KREMEN1: variants seen among roughly 807,000 people sequenced by gnomAD.
KREMEN1 encodes the protein kringle containing transmembrane protein 1, also known as kremen protein 1.
A neutral mutation model predicts 46.5 loss-of-function variants in KREMEN1; 30 were observed. That is an observed-to-expected ratio of 0.65 (90% confidence interval 0.48 to 0.88). The LOEUF (loss-of-function observed/expected upper bound fraction) is 0.88, where lower values mean the gene tolerates loss of function less well. KREMEN1 is among the 40% of genes least tolerant of loss of function. The pLI is 0.00. For missense variants in KREMEN1, 533 were observed against 596.9 expected (o/e 0.89, Z 1.11); for synonymous variants, 214 against 230.6 (o/e 0.93, Z 0.65).
chr22:29,157,098 T>C (rs1035426706), intron 9 of KREMEN1, among the ~76,000 whole-genome samples: 1 of 151,440 alleles, frequency 6.6e-6, no homozygotes, highest in Admixed American at 6.6e-5. Context: ...ATTGGAAAAC[T>C]CTTTCCAGAG....
chr22:29,143,412 G>A lies in KREMEN1; in HGVS notation c.*1300G>A. Reference sequence around the variant, plus strand: ...CACTATATGAGACATGGGGCCTGTGGTCCTTCCTTCTGGTGTCCCCCGTGT... The same window carrying A: ...CACTATATGAGACATGGGGCCTGTGATCCTTCCTTCTGGTGTCCCCCGTGT... On this transcript the variant is annotated 3_prime_UTR_variant, in exon 9 of 9. Coordinates refer to ENST00000400335, the MANE Select transcript of KREMEN1 (RefSeq NM_001039570.3). 6 of 985,362 alleles carry A rather than the reference G, an allele frequency of 6.1e-6. No homozygotes were observed. The highest frequency in any genetic ancestry group is 7.2e-6 in the Non-Finnish European group (6 of 829,974). 61.0% of individuals were successfully genotyped at this position (985,362 alleles called of 1,614,324 possible).
intron 9 of KREMEN1, among the ~76,000 whole-genome samples, chr22:29,163,112 G>A (rs191075669): frequency 2.2e-4 from 33 of 152,208 alleles, no homozygotes; most frequent in Admixed American, 7.2e-4. Flanking sequence ...TGTTGAGGGA[G>A]GGAAGGATTA....
chr22:29,157,165 G>C (rs2038969946), intron 9 of KREMEN1, among the ~76,000 whole-genome samples: 2 of 152,172 alleles, frequency 1.3e-5, no homozygotes, highest in South Asian at 4.1e-4. Context: ...CGACCTGTGG[G>C]GGCTCCACGC....
Position 29,094,363 on chromosome 22 carries a change from A to T in KREMEN1, c.203A>T (p.Tyr68Phe), listed in dbSNP as rs2037846551. 5 of 1,614,056 alleles carry T rather than the reference A, an allele frequency of 3.1e-6. No individual in the cohort carries two copies. The highest frequency in any genetic ancestry group is 3.4e-6 in the Non-Finnish European group (4 of 1,179,998). Residue 68 changes from tyrosine (Y) to phenylalanine (F), a missense_variant, in exon 2 of 9, where the codon TAC becomes TTC. Coordinates refer to ENST00000400335, the MANE Select transcript of KREMEN1 (RefSeq NM_001039570.3). ...LFWNETFQHP[Y>F]NTLKYPNGEG... ...TGGAACGAGACTTTCCAGCATCCATACAACACTCTGAAATACCCCAACGGG... is the reference window on the plus strand; with the variant it reads ...TGGAACGAGACTTTCCAGCATCCATTCAACACTCTGAAATACCCCAACGGG...
intron 9 of KREMEN1, among the ~76,000 whole-genome samples, chr22:29,165,242 T>A (rs2039043197): frequency 6.6e-6 from 1 of 151,832 alleles, no homozygotes; most frequent in Admixed American, 6.6e-5. Context: ...AGACCCTATC[T>A]CTACAAAAAA....
intron 3 of KREMEN1, among the ~76,000 whole-genome samples, chr22:29,104,686 C>T (rs899403372): frequency 4.6e-5 from 7 of 152,158 alleles, no homozygotes; most frequent in African/African-American, 1.7e-4. Flanking sequence ...GTGGGCGGAT[C>T]ACCTGAGGTC....
In KREMEN1 at chr22:29,155,699, C is replaced by A. The variant is rs553922287; in HGVS notation, c.1417-11345C>A. Among the ~76,000 whole-genome samples the A allele has an allele frequency of 4.6e-5, 7 of 152,272 alleles. No homozygotes were observed. In the South Asian group the frequency reaches 1.5e-3, roughly 32 times the overall value. ...GGAGGCTGGGCCCGGTGGCTCACAC[C>A]TGTAATTCCAGCACTTTGAGAGGCC... On this transcript the variant is annotated intron_variant, in intron 9 of 9. Coordinates refer to the KREMEN1 transcript ENST00000327813.
intron 1 of KREMEN1, among the ~76,000 whole-genome samples, chr22:29,080,163 A>G (rs1170206661): frequency 6.6e-6 from 1 of 152,104 alleles, no homozygotes; most frequent in East Asian, 1.9e-4. Flanking sequence ...CAAAGCCTCT[A>G]TTACTGGTGG....
intron 1 of KREMEN1, among the ~76,000 whole-genome samples, chr22:29,075,474 TA>T (rs1339562731): frequency 1.3e-5 from 2 of 152,270 alleles, no homozygotes; most frequent in South Asian, 4.1e-4. Context: ...GAGTCTGGGG[TA>T]GGGGCAAATA....
At chr22:29,099,887 A>G (rs1366890414) in intron 3 of KREMEN1, among the ~76,000 whole-genome samples, 2 of 152,010 alleles carry the variant, frequency 1.3e-5, no homozygotes, top group Non-Finnish European at 2.9e-5. Context: ...TACAAAGACA[A>G]TAGGATACCC....
intron 6 of KREMEN1, 45 bp downstream of exon 6, chr22:29,137,719 C>A (rs751828222): frequency 7.6e-6 from 11 of 1,451,544 alleles, no homozygotes; most frequent in Non-Finnish European, 1.0e-5. Flanking sequence ...GGCCCACGTG[C>A]CTTGGGCTTC....
chr22:29,148,851 C>T (rs3884934), downstream of KREMEN1, among the ~76,000 whole-genome samples: 17,642 of 152,052 alleles, frequency 0.12, 1,113 homozygotes, highest in East Asian at 0.12. Flanking sequence ...TGAAATCTCC[C>T]TCATCCAGCC....
At chr22:29,129,444 C>A (rs2038499958) in intron 5 of KREMEN1, among the ~76,000 whole-genome samples, 2 of 152,048 alleles carry the variant, frequency 1.3e-5, no homozygotes, top group Non-Finnish European at 2.9e-5. Flanking sequence ...AGGCTGAGCA[C>A]TTTGGAAATG....
At position 29,137,394 on chromosome 22, in the gene KREMEN1, T is replaced by C. The variant is rs753470162; in HGVS notation, c.684T>C (p.Tyr228=). 6.4e-7 allele frequency: 1 copy of C among 1,556,414 alleles called. No individual in the cohort carries two copies. Reference sequence around the variant, plus strand: ...ACTCAGCCATGTCTTCTGTGGTCTATTCCCCTGACTTCCCCGACACCTATG... The same window carrying C: ...ACTCAGCCATGTCTTCTGTGGTCTACTCCCCTGACTTCCCCGACACCTATG... ...GNYSAMSSVV[Y]SPDFPDTYAT... Residue 228 remains tyrosine (Y), a synonymous_variant, in exon 6 of 9, where the codon TAT becomes TAC. Transcript: ENST00000400335.
chr22:29,105,512 C>CACACACAT (rs56047123), intron 3 of KREMEN1, among the ~76,000 whole-genome samples: 1 of 151,174 alleles, frequency 6.6e-6, no homozygotes, highest in Non-Finnish European at 1.5e-5. Context: ...CACACACACA[C>CACACACAT]TCTGATGAAT....
chr22:29,097,113 A>T lies in KREMEN1; in HGVS notation c.261-1749A>T, dbSNP rs892445454. On this transcript the variant is annotated intron_variant, in intron 2 of 8. Transcript: ENST00000400335. Reference sequence around the variant, plus strand: ...GAAAGCTTATCTTCTACGCCACATGACAGGCTTAGCCCACTCTGGCCTGAT... The same window carrying T: ...GAAAGCTTATCTTCTACGCCACATGTCAGGCTTAGCCCACTCTGGCCTGAT... Among the ~76,000 whole-genome samples the T allele has an allele frequency of 6.6e-5, 10 of 152,234 alleles. No individual in the cohort carries two copies. In the East Asian group the frequency reaches 1.9e-3, roughly 29 times the overall value.
chr22:29,144,173 G>A lies in KREMEN1; in HGVS notation c.*2061G>A. 1 of 985,668 alleles carries A rather than the reference G, an allele frequency of 1.0e-6. No homozygotes were observed. Among genetic ancestry groups the A allele is most frequent in the Non-Finnish European group, 1.2e-6 (1 of 830,106 alleles). 61.1% of individuals were successfully genotyped at this position (985,668 alleles called of 1,614,324 possible). A position where few individuals can be genotyped will look rare whatever the true frequency, so the allele number is the denominator to read the frequency against. ...CCTCTGGCTTTGGCGTTTCCTCTTT[G>A]CAGCACTTTGCCTACCTCCCCCAAG... On this transcript the variant is annotated 3_prime_UTR_variant, in exon 9 of 9. Transcript: ENST00000400335.
chr22:29,088,765 G>A (rs1473948114), intron 1 of KREMEN1, among the ~76,000 whole-genome samples: 1 of 151,974 alleles, frequency 6.6e-6, no homozygotes, highest in Non-Finnish European at 1.5e-5. Context: ...ACTTGCACAC[G>A]TTCCAATTCT....
In KREMEN1 at chr22:29,125,368, G is replaced by T. The variant is rs778844831; in HGVS notation, c.583G>T (p.Asp195Tyr). ...CGAATGCAACAGCGTCTGCTTCGGGGATCACACCCAACCCTGTGGTGGCGA... is the reference window on the plus strand; with the variant it reads ...CGAATGCAACAGCGTCTGCTTCGGGTATCACACCCAACCCTGTGGTGGCGA... ...STECNSVCFG[D>Y]HTQPCGGDGR... Residue 195 changes from aspartate to tyrosine, a missense_variant, in exon 5 of 9, where the codon GAT becomes TAT. Physicochemically the swap from Asp to Tyr is radical, Grantham distance 160 (BLOSUM62 -3). Transcript: ENST00000400335. 67 of 1,614,194 alleles carry T rather than the reference G, an allele frequency of 4.2e-5. No homozygotes were observed. The highest frequency in any genetic ancestry group is 5.7e-5 in the Non-Finnish European group (67 of 1,180,028).
Sources: allele counts gnomAD v4.1 joint callset (sites outside exome capture counted in the v4.1 genomes callset), GRCh38; gene constraint gnomAD v4.1.1; transcripts MANE v1.5; gene names NCBI Gene and HGNC (gene_info 2026-07-23, HGNC 2026-07-21).